The following PCDHA1 variants were observed in gnomAD, a reference collection of about 807,000 sequenced individuals.
PCDHA1 encodes protocadherin alpha-1.
In PCDHA1, 42 loss-of-function variants were observed where a neutral mutation model predicts 61.3. The observed-to-expected ratio is 0.69, with a 90% CI of 0.54 to 0.89. PCDHA1 has a LOEUF of 0.89. Among genes scored for constraint, PCDHA1 ranks in the 40% least tolerant of loss-of-function variants. PCDHA1 has a pLI of 0.00. For synonymous variants in PCDHA1, 610 were observed against 553.8 expected (o/e 1.10, Z -1.43); for missense variants, 1,256 against 1,235.3 (o/e 1.02, Z -0.25).
intron 3 of PCDHA1, among the ~76,000 whole-genome samples, chr5:140,995,158 A>G (rs1554254485): frequency 6.6e-6 from 1 of 152,180 alleles, no homozygotes; most frequent in African/African-American, 2.4e-5. Flanking sequence ...TATATACATT[A>G]TGTTCTTTCA....
rs146740259 is a variant in PCDHA1 at position 140,788,519 on chromosome 5, C to T, written c.2229C>T (p.Ser743=). 2.4e-5 allele frequency: 39 copies of T among 1,613,956 alleles called. No homozygotes were observed. Among genetic ancestry groups the T allele is most frequent in the Non-Finnish European group, 3.1e-5 (37 of 1,179,948 alleles). The change falls in exon 1 of 4, where the codon AGC becomes AGT. Residue 743 remains serine (S), a synonymous_variant. Coordinates refer to ENST00000504120, the MANE Select transcript of PCDHA1 (RefSeq NM_018900.4). Reference sequence around the variant, plus strand: ...GCAAGCCCACTCTGGTGTGCTCCAGCGCGTTGGGGAGCTGGTCGAACTCAC... The same window carrying T: ...GCAAGCCCACTCTGGTGTGCTCCAGTGCGTTGGGGAGCTGGTCGAACTCAC... ...VPGKPTLVCS[S]ALGSWSNSQQ...
chr5:140,911,605 T>C (rs2075559169), intron 1 of PCDHA1, among the ~76,000 whole-genome samples: 1 of 152,224 alleles, frequency 6.6e-6, no homozygotes, highest in Non-Finnish European at 1.5e-5. Context: ...AACTTCATTA[T>C]GTTCCTTAGT....
rs2150432258 is a variant in PCDHA1 at position 140,849,188 on chromosome 5, G to T, written c.2394+60504G>T. Reference sequence around the variant, plus strand: ...CTGGCACCGTTCAATTACTCATCACGGTACTGGACAACAATGACAATGCCC... The same window carrying T: ...CTGGCACCGTTCAATTACTCATCACTGTACTGGACAACAATGACAATGCCC... On this transcript the variant is annotated intron_variant, in intron 1 of 3. Transcript: ENST00000504120. The T allele has an allele frequency of 1.1e-3, 1,187 of 1,054,992 alleles. 42 individuals carry two copies. In the African/African-American group the frequency reaches 0.02, roughly 18 times the overall value. The allele number at this position is 1,054,992 out of a possible 1,614,324, so 65.4% of individuals were successfully genotyped here. A position where few individuals can be genotyped will look rare whatever the true frequency, so the allele number is the denominator to read the frequency against.
At chr5:140,877,471 G>T (rs2057146762) in intron 1 of PCDHA1, 1 of 1,613,828 alleles carries the variant, frequency 6.2e-7, no homozygotes, top group South Asian at 1.1e-5. Flanking sequence ...CACGGTGCTG[G>T]TGTCGCTGGT....
At chr5:140,883,911 A>G (rs2059884661) in intron 1 of PCDHA1, 2 of 1,613,034 alleles carry the variant, frequency 1.2e-6, no homozygotes, top group Non-Finnish European at 8.5e-7. Flanking sequence ...CTGGGCAGCA[A>G]CGTGACGCTG....
At chr5:140,997,668 T>TTGTGTGTGTG (rs35184029) in intron 3 of PCDHA1, among the ~76,000 whole-genome samples, 47 of 148,344 alleles carry the variant, frequency 3.2e-4, no homozygotes, top group East Asian at 1.8e-3. Flanking sequence ...ATTATACAGC[T>TTGTGTGTGTG]TGTGTGTGTG....
At chr5:140,862,305 C>T (rs953461441) in intron 1 of PCDHA1, 3 of 278,650 alleles carry the variant, frequency 1.1e-5, no homozygotes, top group Non-Finnish European at 2.1e-5. Flanking sequence ...CCACTGGGTA[C>T]CGTCATAGCC....
intron 1 of PCDHA1, among the ~76,000 whole-genome samples, chr5:140,908,919 G>T (rs781892541): frequency 1.3e-5 from 2 of 152,158 alleles, no homozygotes; most frequent in Non-Finnish European, 2.9e-5. Context: ...TGTAGGAGGG[G>T]CCAAATGCAG....
chr5:140,821,675 A>C, intron 1 of PCDHA1: 2 of 1,308,536 alleles, frequency 1.5e-6, no homozygotes, highest in Non-Finnish European at 2.1e-6. Context: ...GAAGCTCAGA[A>C]AGGCGATAAT....
chr5:140,786,923 A>G lies in PCDHA1; in HGVS notation c.633A>G (p.Leu211=), dbSNP rs1554117599. The G allele has an allele frequency of 6.2e-7, 1 of 1,614,060 alleles. No individual in the cohort carries two copies. The highest frequency in any genetic ancestry group is 1.3e-5 in the African/African-American group (1 of 74,930). ...AAGAAACACCAGAACTTCACTTATT[A>G]CTGACTGCCACTGATGGGGGCAAAC... The part of the protein sequence containing the change: ...DREETPELHL[L]LTATDGGKPE... The change falls in exon 1 of 4, where the codon TTA becomes TTG. Residue 211 remains leucine (L), a synonymous_variant. Coordinates refer to ENST00000504120, the MANE Select transcript of PCDHA1 (RefSeq NM_018900.4).
chr5:140,969,024 C>T, intron 1 of PCDHA1: 1 of 1,614,198 alleles, frequency 6.2e-7, no homozygotes, highest in Non-Finnish European at 8.5e-7. Flanking sequence ...GAAAGGTCCC[C>T]TGCAGAACTG....
chr5:140,981,582 A>C (rs2096939117), intron 2 of PCDHA1, among the ~76,000 whole-genome samples: 1 of 152,182 alleles, frequency 6.6e-6, no homozygotes, highest in African/African-American at 2.4e-5. Flanking sequence ...TCAAAAATAA[A>C]TAAAATAAAA....
intron 1 of PCDHA1, chr5:140,796,268 T>G: frequency 2.5e-6 from 4 of 1,614,122 alleles, no homozygotes; most frequent in Non-Finnish European, 3.4e-6. Flanking sequence ...TCGCCTTCAC[T>G]GTGGGCCACC....
intron 1 of PCDHA1, chr5:140,810,926 A>T (rs1382106901): frequency 6.6e-6 from 1 of 152,104 alleles, no homozygotes; most frequent in African/African-American, 2.4e-5. Context: ...TTCATTGTTT[A>T]CATTACATCT....
intron 1 of PCDHA1, chr5:140,810,636 A>G (rs900090794): frequency 2.6e-5 from 4 of 151,826 alleles, no homozygotes; most frequent in Admixed American, 2.6e-4. Context: ...AGCTGCTCAA[A>G]TCTCCTATTT....
intron 1 of PCDHA1, chr5:140,822,963 G>A (rs2150120788): frequency 1.2e-6 from 2 of 1,614,232 alleles, no homozygotes; most frequent in South Asian, 2.2e-5. Flanking sequence ...CCTTCAAGCT[G>A]GTGTCCACCT....
chr5:140,865,207 G>T (rs2048773206), intron 1 of PCDHA1: 1 of 152,092 alleles, frequency 6.6e-6, no homozygotes. Context: ...AATGTGAATT[G>T]CTTTCTTTAA....
In PCDHA1 at chr5:140,869,649, A is replaced by G. The variant is rs1446407712; in HGVS notation, c.2394+80965A>G. ...AAAATGAGTATTTTTCTTTAGATTC[A>G]CCAACAAATGGTAAGCAGATTAAAA... On this transcript the variant is annotated intron_variant, in intron 1 of 3. Transcript: ENST00000504120. 4.3e-6 allele frequency: 7 copies of G among 1,613,476 alleles called. No individual in the cohort carries two copies. In the African/African-American group the frequency reaches 6.7e-5, roughly 15 times the overall value.
At chr5:140,927,721 C>G in intron 1 of PCDHA1, 1 of 1,614,204 alleles carries the variant, frequency 6.2e-7, no homozygotes, top group Non-Finnish European at 8.5e-7. Flanking sequence ...CAACAGCACG[C>G]AAGCAGAGCT....
Sources: allele counts gnomAD v4.1 joint callset (sites outside exome capture counted in the v4.1 genomes callset), GRCh38; gene constraint gnomAD v4.1.1; transcripts MANE v1.5; gene names NCBI Gene and HGNC (gene_info 2026-07-23, HGNC 2026-07-21).